CAMK1D: variants seen among roughly 807,000 people sequenced by gnomAD.
CAMK1D encodes calcium/calmodulin-dependent protein kinase type 1D.
In CAMK1D, 9 loss-of-function variants were observed where a neutral mutation model predicts 47.7. The ratio of observed to expected loss-of-function variants is 0.19; its 90% CI spans 0.11 to 0.33. The LOEUF (loss-of-function observed/expected upper bound fraction) is 0.33, where lower values mean the gene tolerates loss of function less well. Ranked by LOEUF, CAMK1D falls within the 10% of genes least tolerant of loss-of-function variation. The probability of loss-of-function intolerance (pLI) is 1.00; values close to 1 mark genes in which losing one functional copy is unlikely to be tolerated. For missense variants in CAMK1D, 291 were observed against 488.7 expected (o/e 0.60, Z 3.81); for synonymous variants, 184 against 184.9 (o/e 0.99, Z 0.04).
At chr10:12,449,495 A>T (rs1564346584) in intron 1 of CAMK1D, among the ~76,000 whole-genome samples, 1 of 144,738 alleles carries the variant, frequency 6.9e-6, no homozygotes, top group Non-Finnish European at 1.5e-5. Context: ...TGCCATCATC[A>T]CACGCACACA....
At chr10:12,717,731 G>GAAAAAAAAAAAAAAAAAA (rs11289567) in intron 3 of CAMK1D, among the ~76,000 whole-genome samples, 1 of 121,194 alleles carries the variant, frequency 8.3e-6, no homozygotes, top group African/African-American at 3.5e-5. Context: ...ACAAAAAATT[G>GAAAAAAAAAAAAAAAAAA]AAAAAAAAAA....
At chr10:12,676,265 T>C (rs1840806370) in intron 3 of CAMK1D, among the ~76,000 whole-genome samples, 1 of 152,352 alleles carries the variant, frequency 6.6e-6, no homozygotes, top group African/African-American at 2.4e-5. Context: ...GAATCACTTA[T>C]CTTAATGCTA....
intron 3 of CAMK1D, among the ~76,000 whole-genome samples, chr10:12,693,365 T>TA (rs1347854679): frequency 6.6e-6 from 1 of 151,522 alleles, no homozygotes; most frequent in Non-Finnish European, 1.5e-5. Context: ...ACTCCATCTC[T>TA]AAAAAAAGAA....
chr10:12,388,900 T>C (rs1042542113), intron 1 of CAMK1D, among the ~76,000 whole-genome samples: 1 of 152,172 alleles, frequency 6.6e-6, no homozygotes, highest in Non-Finnish European at 1.5e-5. Flanking sequence ...AGAAAGCCTG[T>C]CGTTGGAGGA....
At position 12,601,534 on chromosome 10, in the gene CAMK1D, G is replaced by T. The variant is rs142851627; in HGVS notation, c.224+48178G>T. On this transcript the variant is annotated intron_variant, in intron 2 of 10. Coordinates refer to ENST00000619168, the MANE Select transcript of CAMK1D (RefSeq NM_153498.4). ...GCTGGAGTGCAATGGCAAAATTTCGGCTCACTGCAACCTCTGCCTCTCAGG... is the reference window on the plus strand; with the variant it reads ...GCTGGAGTGCAATGGCAAAATTTCGTCTCACTGCAACCTCTGCCTCTCAGG... 1.5e-3 allele frequency among the ~76,000 whole-genome samples: 223 copies of T among 152,234 alleles called. 2 individuals are homozygous for T. Among genetic ancestry groups the T allele is most frequent in the African/African-American group, 5.2e-3 (214 of 41,538 alleles).
intron 3 of CAMK1D, among the ~76,000 whole-genome samples, chr10:12,690,364 A>G (rs1832829831): frequency 6.6e-6 from 1 of 152,196 alleles, no homozygotes; most frequent in Non-Finnish European, 1.5e-5. Context: ...TGTAGATTGG[A>G]GAGACGCAGC....
At chr10:12,769,927 C>G (rs1217208395) in intron 5 of CAMK1D, 128 bp downstream of exon 5, 2 of 990,444 alleles carry the variant, frequency 2.0e-6, no homozygotes, top group African/African-American at 1.6e-5. Flanking sequence ...GCTGCCTTCA[C>G]TTCCCCTGGG....
intron 2 of CAMK1D, among the ~76,000 whole-genome samples, chr10:12,648,320 G>T (rs182940096): frequency 2.0e-5 from 3 of 152,106 alleles, no homozygotes; most frequent in African/African-American, 7.2e-5. Context: ...TGATTCCCAG[G>T]TTCCCCCTGC....
chr10:12,734,172 A>G (rs1835022712), intron 3 of CAMK1D, among the ~76,000 whole-genome samples: 1 of 150,788 alleles, frequency 6.6e-6, no homozygotes, highest in African/African-American at 2.4e-5. Flanking sequence ...TACTAAAACT[A>G]CAAAAAAAGT....
At position 12,834,037 on chromosome 10, in the gene CAMK1D, T is replaced by A. The variant is rs1255234076; in HGVS notation, c.*5150T>A. On this transcript the variant is annotated 3_prime_UTR_variant, in exon 11 of 11. Coordinates refer to ENST00000619168, the MANE Select transcript of CAMK1D (RefSeq NM_153498.4). ...CTGACATTTGCAAAAGATATTCCAG[T>A]CTTTCGATGTTCAGAATTGAAAATG... is the stretch of plus-strand genomic sequence containing the variant. The A allele has an allele frequency of 1.3e-5, 2 of 151,948 alleles. No individual in the cohort carries two copies. Among genetic ancestry groups the A allele is most frequent in the Admixed American group, 1.3e-4 (2 of 15,264 alleles). 9.4% of individuals were successfully genotyped at this position (151,948 alleles called of 1,614,324 possible).
chr10:12,427,849 A>G (rs1840305392), intron 1 of CAMK1D, among the ~76,000 whole-genome samples: 1 of 151,040 alleles, frequency 6.6e-6, no homozygotes, highest in Non-Finnish European at 1.5e-5. Context: ...CGGGGATTAC[A>G]GGTGCATGCC....
intron 1 of CAMK1D, among the ~76,000 whole-genome samples, chr10:12,549,848 G>A (rs1362213448): frequency 6.6e-6 from 1 of 152,180 alleles, no homozygotes; most frequent in African/African-American, 2.4e-5. Flanking sequence ...TGGCAGTGCT[G>A]GCTCTGAGGA....
chr10:12,825,886 C>T (rs780848231), intron 10 of CAMK1D, 196 bp downstream of exon 10: 84 of 831,220 alleles, frequency 1.0e-4, no homozygotes, highest in Non-Finnish European at 1.4e-4. Flanking sequence ...CCTGTAATCC[C>T]AACACTTTGG....
At chr10:12,516,212 C>T (rs1416450702) in intron 1 of CAMK1D, among the ~76,000 whole-genome samples, 1 of 152,140 alleles carries the variant, frequency 6.6e-6, no homozygotes, top group African/African-American at 2.4e-5. Context: ...TGGGTTCAAG[C>T]AATTCTCTGC....
At chr10:12,562,000 T>C (rs1836959050) in intron 2 of CAMK1D, among the ~76,000 whole-genome samples, 1 of 152,218 alleles carries the variant, frequency 6.6e-6, no homozygotes, top group Non-Finnish European at 1.5e-5. Flanking sequence ...TCCCAAATAG[T>C]GCACCTGGTG....
chr10:12,446,865 A>G (rs549440627), intron 1 of CAMK1D, among the ~76,000 whole-genome samples: 1 of 152,068 alleles, frequency 6.6e-6, no homozygotes, highest in Non-Finnish European at 1.5e-5. Flanking sequence ...TTGGATGTTG[A>G]CTTCCTTTGA....
At chr10:12,504,119 GTGTGTGTGTC>G (rs1225542273) in intron 1 of CAMK1D, among the ~76,000 whole-genome samples, 3 of 143,470 alleles carry the variant, frequency 2.1e-5, no homozygotes, top group Admixed American at 6.7e-5. Flanking sequence ...GTGTGTGTGT[GTGTGTGTGTC>G]TGTGTGTGTG....
chr10:12,758,191 A>G (rs1836323440), intron 3 of CAMK1D, among the ~76,000 whole-genome samples: 1 of 151,430 alleles, frequency 6.6e-6, no homozygotes, highest in South Asian at 2.1e-4. Flanking sequence ...CCTCCCAAAG[A>G]CCCCACCTCC....
intron 5 of CAMK1D, among the ~76,000 whole-genome samples, chr10:12,787,495 C>T (rs965105132): frequency 1.3e-5 from 2 of 152,130 alleles, no homozygotes; most frequent in African/African-American, 2.4e-5. Context: ...ACAGAGTATC[C>T]GCGCTTCCTA....
Sources: allele counts gnomAD v4.1 joint callset (sites outside exome capture counted in the v4.1 genomes callset), GRCh38; gene constraint gnomAD v4.1.1; transcripts MANE v1.5; gene names NCBI Gene and HGNC (gene_info 2026-07-23, HGNC 2026-07-21).